The following FKBP9 variants were observed in gnomAD, a reference collection of about 807,000 sequenced individuals.
The protein encoded by FKBP9 is peptidyl-prolyl cis-trans isomerase FKBP9.
A neutral mutation model predicts 55.6 loss-of-function variants in FKBP9; 27 were observed. The ratio of observed to expected loss-of-function variants is 0.49; its 90% CI spans 0.36 to 0.67. FKBP9 has a LOEUF of 0.67. Ranked by LOEUF, FKBP9 falls within the 30% of genes least tolerant of loss-of-function variation. The probability of loss-of-function intolerance (pLI) is 0.00; values close to 1 mark genes in which losing one functional copy is unlikely to be tolerated. For missense variants in FKBP9, 539 were observed against 742.8 expected, an observed-to-expected ratio of 0.73 and a Z score of 3.19; for synonymous variants, 267 against 296.5, an observed-to-expected ratio of 0.90 and a Z score of 1.02.
intron 6 of FKBP9, among the ~76,000 whole-genome samples, chr7:32,992,162 A>G (rs1784696461): frequency 6.6e-6 from 1 of 152,130 alleles, no homozygotes; most frequent in South Asian, 2.1e-4. Flanking sequence ...CGAGACCTCA[A>G]ACCAGAAGTC....
chr7:32,979,693 T>C (rs2127982520), intron 4 of FKBP9: 2 of 805,360 alleles, frequency 2.5e-6, no homozygotes, highest in East Asian at 5.3e-5. Flanking sequence ...TAGTGTCCTG[T>C]AATCTCTTCA....
intron 9 of FKBP9, among the ~76,000 whole-genome samples, chr7:33,003,530 C>G (rs1158538982): frequency 1.3e-5 from 2 of 152,178 alleles, no homozygotes; most frequent in Non-Finnish European, 2.9e-5. Flanking sequence ...TCCTCTCCTC[C>G]CATTCTCTCC....
chr7:32,967,078 G>A (rs1479211013), intron 1 of FKBP9, among the ~76,000 whole-genome samples: 1 of 152,066 alleles, frequency 6.6e-6, no homozygotes, highest in African/African-American at 2.4e-5. Flanking sequence ...AAACTAAAGG[G>A]CCCGGTTCCT....
At chr7:32,983,319 C>CAGTGGTTA in intron 5 of FKBP9, among the ~76,000 whole-genome samples, 1 of 151,412 alleles carries the variant, frequency 6.6e-6, no homozygotes, top group South Asian at 2.1e-4. Context: ...CCACTGCGCC[C>CAGTGGTTA]TGCCTTTTTT....
At chr7:32,965,843 A>ATATATATG (rs1309792242) in intron 1 of FKBP9, among the ~76,000 whole-genome samples, 1 of 41,422 alleles carries the variant, frequency 2.4e-5, no homozygotes, top group African/African-American at 9.8e-5. Flanking sequence ...ATATATATAT[A>ATATATATG]TGTGTGTACA....
intron 1 of FKBP9, among the ~76,000 whole-genome samples, chr7:32,970,855 C>A (rs1225915520): frequency 6.6e-6 from 1 of 151,484 alleles, no homozygotes; most frequent in Non-Finnish European, 1.5e-5. Context: ...TCTTCCTTTC[C>A]AATTTCTGTG....
chr7:32,965,162 C>T (rs1181958530), intron 1 of FKBP9, among the ~76,000 whole-genome samples: 2 of 152,064 alleles, frequency 1.3e-5, no homozygotes, highest in African/African-American at 4.8e-5. Flanking sequence ...CTTTTTGAGA[C>T]AGGGTCTCAC....
intron 5 of FKBP9, among the ~76,000 whole-genome samples, chr7:32,983,569 C>A (rs1438014216): frequency 6.6e-6 from 1 of 152,088 alleles, no homozygotes; most frequent in Non-Finnish European, 1.5e-5. Flanking sequence ...CCCGCCTCGG[C>A]CTCCCAAAGT....
At chr7:32,960,726 T>C (rs1237602045) in intron 1 of FKBP9, among the ~76,000 whole-genome samples, 1 of 152,140 alleles carries the variant, frequency 6.6e-6, no homozygotes, top group Non-Finnish European at 1.5e-5. Flanking sequence ...CGTCTATCCC[T>C]CAAGAGAGAG....
chr7:32,963,786 A>C, intron 1 of FKBP9: 1 of 1,268,440 alleles, frequency 7.9e-7, no homozygotes, highest in Non-Finnish European at 1.0e-6. Context: ...TAAGCTCCCC[A>C]TGCTGCACAC....
intron 5 of FKBP9, among the ~76,000 whole-genome samples, chr7:32,985,174 C>CTT (rs1562570040): frequency 4.0e-5 from 5 of 124,402 alleles, no homozygotes; most frequent in African/African-American, 1.6e-4. Context: ...TTCTTTCTTT[C>CTT]TTTCTTTTTT....
At position 32,970,729 on chromosome 7, in the gene FKBP9, T is replaced by C. The variant is rs182951547; in HGVS notation, c.222-3888T>C. On this transcript the variant is annotated intron_variant, in intron 1 of 9. Transcript: ENST00000242209. The stretch of plus-strand genomic sequence containing the variant: ...AATTTGTTTATTAGTTGTTTTTTTT[T>C]CCCCCACAGAACCATCAAGTCCAAT... Among the ~76,000 whole-genome samples, 277 of 147,938 alleles carry C rather than the reference T, an allele frequency of 1.9e-3. 9 individuals are homozygous for C. The East Asian group carries it at 0.021, about 11-fold the overall frequency.
At position 32,980,518 on chromosome 7, in the gene FKBP9, T is replaced by C. The variant is rs1562568405; in HGVS notation, c.858T>C (p.Asn286=). 4 of 1,613,742 alleles carry C rather than the reference T, an allele frequency of 2.5e-6. No homozygotes were observed. Among genetic ancestry groups the C allele is most frequent in the Non-Finnish European group, 3.4e-6 (4 of 1,179,850 alleles). ...GGGACTTTCTCAGGTATCATTACAATGGCACGCTTCTGGATGGCACCCTCT... is the reference window on the plus strand; with the variant it reads ...GGGACTTTCTCAGGTATCATTACAACGGCACGCTTCTGGATGGCACCCTCT... ...QSGDFLRYHY[N]GTLLDGTLFD... The change falls in exon 5 of 10, where the codon AAT becomes AAC. Residue 286 remains asparagine, a synonymous_variant. Transcript: ENST00000242209.
intron 7 of FKBP9, among the ~76,000 whole-genome samples, chr7:32,999,880 T>C (rs1268206640): frequency 6.6e-6 from 1 of 152,118 alleles, no homozygotes; most frequent in East Asian, 1.9e-4. Context: ...TTCTCCACTC[T>C]GGAACTTCCA....
chr7:32,960,420 CTT>C (rs1400589199), intron 1 of FKBP9, among the ~76,000 whole-genome samples: 1 of 151,992 alleles, frequency 6.6e-6, no homozygotes, highest in Admixed American at 6.6e-5. Flanking sequence ...TGGCCTGTGT[CTT>C]TGATTATAAC....
intron 1 of FKBP9, among the ~76,000 whole-genome samples, chr7:32,971,626 A>G (rs142012922): frequency 0.046 from 7,064 of 152,144 alleles, 390 homozygotes; most frequent in East Asian, 0.19. Flanking sequence ...GACCACATGC[A>G]CATACCGCCA....
At chr7:32,987,329 T>C (rs13310605) in intron 5 of FKBP9, among the ~76,000 whole-genome samples, 79,983 of 151,394 alleles carry the variant, frequency 0.53, 22,573 homozygotes, top group Non-Finnish European at 0.63. Flanking sequence ...AACCCCATCT[T>C]TACTAAAAAT....
intron 4 of FKBP9, 136 bp downstream of exon 4, chr7:32,976,635 T>G: frequency 8.1e-7 from 1 of 1,233,328 alleles, no homozygotes; most frequent in Non-Finnish European, 1.1e-6. Flanking sequence ...AACCACTAGC[T>G]ACATGTGGCT....
At chr7:33,001,888 T>C (rs1045154002) in intron 8 of FKBP9, 70 of 152,332 alleles carry the variant, frequency 4.6e-4, no homozygotes, top group African/African-American at 1.7e-3. Context: ...GAAATACATT[T>C]TATTTCCCAA....
Sources: gnomAD v4.1 joint callset for allele counts (sites outside exome capture counted in the v4.1 genomes callset) on GRCh38, gnomAD v4.1.1 for gene constraint, MANE v1.5 for transcripts, NCBI Gene and HGNC (gene_info 2026-07-23, HGNC 2026-07-21) for gene names.